The following NAV2 variants were observed in gnomAD, a reference collection of about 807,000 sequenced individuals.
NAV2 encodes neuron navigator 2.
Under a neutral mutation model 223.2 loss-of-function variants are expected in NAV2, and 54 were observed. The observed-to-expected ratio is 0.24, with a 90% CI of 0.19 to 0.30. The LOEUF (loss-of-function observed/expected upper bound fraction) is 0.30, where lower values mean the gene tolerates loss of function less well. Among genes scored for constraint, NAV2 ranks in the 10% least tolerant of loss-of-function variants. The probability of loss-of-function intolerance (pLI) is 1.00; values close to 1 mark genes in which losing one functional copy is unlikely to be tolerated. For missense variants in NAV2, 2,806 were observed against 3,147.5 expected (o/e 0.89, Z 2.60); for synonymous variants, 1,279 against 1,239.3 (o/e 1.03, Z -0.67).
chr11:20,077,028 G>A (rs530773469), intron 22 of NAV2, among the ~76,000 whole-genome samples: 2 of 152,212 alleles, frequency 1.3e-5, no homozygotes, highest in East Asian at 3.9e-4. Context: ...CATTTTGTTT[G>A]TTCATTCTAC....
intron 6 of NAV2, among the ~76,000 whole-genome samples, chr11:19,898,003 A>G (rs560581113): frequency 6.6e-6 from 1 of 151,534 alleles, no homozygotes; most frequent in African/African-American, 2.4e-5. Context: ...GGGCAAAGAA[A>G]TAGCTGTCTT....
intron 1 of NAV2, among the ~76,000 whole-genome samples, chr11:19,577,595 A>G (rs1435998459): frequency 2.7e-4 from 41 of 152,196 alleles, no homozygotes; most frequent in Admixed American, 2.7e-3. Flanking sequence ...TCTCAACAAA[A>G]TGTTTTCCAT....
chr11:20,088,347 C>A (rs2153678450), intron 26 of NAV2, among the ~76,000 whole-genome samples: 1 of 152,274 alleles, frequency 6.6e-6, no homozygotes, highest in African/African-American at 2.4e-5. Context: ...CTACACCACC[C>A]AGCTAATTTG....
chr11:19,549,650 T>G (rs553488204), intron 1 of NAV2, among the ~76,000 whole-genome samples: 1 of 152,230 alleles, frequency 6.6e-6, no homozygotes, highest in Non-Finnish European at 1.5e-5. Context: ...GCTGCCTGCC[T>G]GCCAGGGTGA....
At chr11:20,008,898 A>G (rs1329206358) in intron 11 of NAV2, among the ~76,000 whole-genome samples, 2 of 152,180 alleles carry the variant, frequency 1.3e-5, no homozygotes, top group Non-Finnish European at 2.9e-5. Context: ...CTTAAATAGA[A>G]TTGATTCTTT....
At chr11:19,515,030 G>A (rs1210649614) in intron 1 of NAV2, among the ~76,000 whole-genome samples, 1 of 152,210 alleles carries the variant, frequency 6.6e-6, no homozygotes, top group Non-Finnish European at 1.5e-5. Context: ...TTAAGAGCAT[G>A]ACCTTTGGGG....
intron 1 of NAV2, among the ~76,000 whole-genome samples, chr11:19,685,295 A>G (rs991512026): frequency 7.2e-5 from 11 of 152,162 alleles, no homozygotes; most frequent in African/African-American, 2.4e-4. Flanking sequence ...CAAAATGCCC[A>G]TGATATCATC....
intron 1 of NAV2, among the ~76,000 whole-genome samples, chr11:19,823,631 G>C (rs1428479060): frequency 1.3e-5 from 2 of 152,170 alleles, no homozygotes; most frequent in African/African-American, 4.8e-5. Context: ...GTGAGCCACT[G>C]TGCCCAGCTT....
chr11:19,575,785 C>T (rs35906531), intron 1 of NAV2, among the ~76,000 whole-genome samples: 1 of 152,188 alleles, frequency 6.6e-6, no homozygotes, highest in Admixed American at 6.5e-5. Context: ...AGCTACAGGA[C>T]CTAGCATGAG....
intron 1 of NAV2, among the ~76,000 whole-genome samples, chr11:19,815,392 T>C (rs1358404977): frequency 6.6e-6 from 1 of 152,220 alleles, no homozygotes; most frequent in Non-Finnish European, 1.5e-5. Flanking sequence ...GGGTCTAGGC[T>C]CACTGCCCTG....
chr11:19,865,848 C>G (rs932374526), intron 3 of NAV2, among the ~76,000 whole-genome samples: 2 of 135,392 alleles, frequency 1.5e-5, no homozygotes, highest in African/African-American at 2.8e-5. Flanking sequence ...CCTAATGCCT[C>G]TCTTGTCTAT....
intron 11 of NAV2, among the ~76,000 whole-genome samples, chr11:19,986,700 A>G (rs571480084): frequency 4.6e-5 from 7 of 152,378 alleles, no homozygotes; most frequent in African/African-American, 9.6e-5. Context: ...TTTTAAAGAC[A>G]TAGGATTTGC....
At chr11:19,959,486 C>G (rs1000422139) in intron 10 of NAV2, among the ~76,000 whole-genome samples, 1 of 152,170 alleles carries the variant, frequency 6.6e-6, no homozygotes, top group Admixed American at 6.5e-5. Context: ...CTGTGCTCAT[C>G]TGCAAATGAG....
At chr11:19,752,230 G>A (rs998807165) in intron 1 of NAV2, among the ~76,000 whole-genome samples, 6 of 152,192 alleles carry the variant, frequency 3.9e-5, no homozygotes, top group African/African-American at 9.7e-5. Flanking sequence ...AAGCCCACAC[G>A]AGGGTACTCA....
intron 1 of NAV2, among the ~76,000 whole-genome samples, chr11:19,727,477 G>A (rs1307482329): frequency 6.6e-6 from 1 of 152,162 alleles, no homozygotes; most frequent in Non-Finnish European, 1.5e-5. Context: ...TGCTTCCCAG[G>A]GCACCAGTGG....
At chr11:20,075,083 C>G (rs769164581) in intron 22 of NAV2, among the ~76,000 whole-genome samples, 2 of 152,212 alleles carry the variant, frequency 1.3e-5, no homozygotes, top group African/African-American at 2.4e-5. Context: ...CAGGCCCTGG[C>G]CTGTTTCCTT....
chr11:19,400,769 C>G (rs985899737), intron 1 of NAV2, among the ~76,000 whole-genome samples: 1 of 152,196 alleles, frequency 6.6e-6, no homozygotes, highest in African/African-American at 2.4e-5. Flanking sequence ...TAAATGATAG[C>G]TGCTGCTATT....
intron 4 of NAV2, among the ~76,000 whole-genome samples, chr11:19,871,952 A>G (rs932929206): frequency 1.2e-4 from 18 of 152,092 alleles, no homozygotes; most frequent in Admixed American, 6.5e-4. Context: ...TCCTTTCTCC[A>G]TGATCATCAA....
intron 11 of NAV2, among the ~76,000 whole-genome samples, chr11:20,016,803 C>G (rs1189624277): frequency 6.6e-6 from 1 of 150,998 alleles, no homozygotes; most frequent in Non-Finnish European, 1.5e-5. Flanking sequence ...CAAGACCAAC[C>G]TGGCCCACAT....
Sources: gnomAD v4.1 joint callset for allele counts (sites outside exome capture counted in the v4.1 genomes callset) on GRCh38, gnomAD v4.1.1 for gene constraint, MANE v1.5 for transcripts, NCBI Gene and HGNC (gene_info 2026-07-23, HGNC 2026-07-21) for gene names.